AMOTL1: variants seen among roughly 807,000 people sequenced by gnomAD.
The protein encoded by AMOTL1 is angiomotin-like protein 1.
In AMOTL1, 45 loss-of-function variants were observed where a neutral mutation model predicts 102.9. That is an observed-to-expected ratio of 0.44 (90% CI 0.34 to 0.56). The LOEUF (loss-of-function observed/expected upper bound fraction) is 0.56, where lower values mean the gene tolerates loss of function less well. Ranked by LOEUF, AMOTL1 falls within the 20% of genes least tolerant of loss-of-function variation. The pLI is 0.01. For missense variants in AMOTL1, 1,114 were observed against 1,225.6 expected (o/e 0.91, Z 1.36); for synonymous variants, 481 against 484.7 (o/e 0.99, Z 0.10).
intron 9 of AMOTL1, among the ~76,000 whole-genome samples, chr11:94,864,154 A>G (rs1311293816): frequency 6.6e-6 from 1 of 152,172 alleles, no homozygotes; most frequent in Non-Finnish European, 1.5e-5. Context: ...TCTATGCTGT[A>G]TGGATGATAA....
rs562872437 is a variant in AMOTL1, at chr11:94,785,286, G to A, written c.50-9725G>A. On this transcript the variant is annotated intron_variant, in intron 1 of 12. Transcript: ENST00000433060. Reference sequence around the variant, plus strand: ...TACAATTAGTTTGCATTTATTGAGGGGTCTTTGGAGGGCAGAATGGTGTAG... The same window carrying A: ...TACAATTAGTTTGCATTTATTGAGGAGTCTTTGGAGGGCAGAATGGTGTAG... Among the ~76,000 whole-genome samples the A allele has an allele frequency of 6.6e-5, 10 of 152,280 alleles. No individual in the cohort carries two copies. The South Asian group carries it at 1.9e-3, about 28-fold the overall frequency.
intron 1 of AMOTL1, among the ~76,000 whole-genome samples, chr11:94,770,753 T>G (rs572685856): frequency 6.6e-6 from 1 of 152,304 alleles, no homozygotes; most frequent in East Asian, 1.9e-4. Context: ...GATTTTCAGT[T>G]TAAATGAGAT....
chr11:94,831,722 A>T (rs1278829569), intron 6 of AMOTL1, among the ~76,000 whole-genome samples, 181 bp downstream of exon 6: 1 of 152,210 alleles, frequency 6.6e-6, no homozygotes. Context: ...AGCTGAGGTC[A>T]CTGTGTGTTG....
intron 1 of AMOTL1, among the ~76,000 whole-genome samples, chr11:94,779,053 G>A (rs776428334): frequency 6.6e-6 from 1 of 152,136 alleles, no homozygotes; most frequent in South Asian, 2.1e-4. Context: ...TTATAAGCCT[G>A]CCTAAATTCA....
chr11:94,853,953 T>C lies in AMOTL1; in HGVS notation c.1815T>C (p.Tyr605=), dbSNP rs1285958945. The change falls in exon 8 of 13, where the codon TAT becomes TAC. Residue 605 remains tyrosine, a synonymous_variant. Coordinates refer to ENST00000433060, the MANE Select transcript of AMOTL1 (RefSeq NM_130847.3). ...CTCAGTTACGAGAGAAGCAAGCATATGTTGAGAAAGTTGAGAAGCTGCAGC... is the reference window on the plus strand; with the variant it reads ...CTCAGTTACGAGAGAAGCAAGCATACGTTGAGAAAGTTGAGAAGCTGCAGC... ...LEEELREKQA[Y]VEKVEKLQQA... is the part of the protein sequence containing the mutation. The C allele has an allele frequency of 9.3e-6, 15 of 1,609,124 alleles. No individual in the cohort carries two copies. The highest frequency in any genetic ancestry group is 1.2e-5 in the Non-Finnish European group (14 of 1,177,620).
At chr11:94,809,529 A>G (rs1479159676) in intron 3 of AMOTL1, among the ~76,000 whole-genome samples, 2 of 152,246 alleles carry the variant, frequency 1.3e-5, no homozygotes, top group African/African-American at 2.4e-5. Context: ...CTGTAGGGAC[A>G]GGGACTGTGA....
In AMOTL1 at chr11:94,839,322, T is replaced by C. The variant is rs972005126; in HGVS notation, c.1648+7781T>C. 2.6e-5 allele frequency among the ~76,000 whole-genome samples: 4 copies of C among 152,234 alleles called. No individual in the cohort carries two copies. In the South Asian group the frequency reaches 8.3e-4, roughly 31 times the overall value. The stretch of plus-strand genomic sequence containing the variant: ...TGAGCACTTACTGTGAGCCAAGCAC[T>C]CTGCTAGCCCTCACAGGTACATTGT... On this transcript the variant is annotated intron_variant, in intron 6 of 12. Transcript: ENST00000433060.
chr11:94,832,857 C>T (rs1952102094), intron 6 of AMOTL1, among the ~76,000 whole-genome samples: 1 of 152,196 alleles, frequency 6.6e-6, no homozygotes, highest in African/African-American at 2.4e-5. Context: ...GATACTTTGC[C>T]TTCTTGTCAA....
chr11:94,870,600 G>T, intron 12 of AMOTL1, 89 bp from the exon 13 acceptor site: 1 of 896,724 alleles, frequency 1.1e-6, no homozygotes, highest in Non-Finnish European at 1.7e-6. Flanking sequence ...GTGTGCAGTG[G>T]TATCGGACGT....
intron 3 of AMOTL1, among the ~76,000 whole-genome samples, chr11:94,810,085 C>A (rs1951645549): frequency 6.6e-6 from 1 of 152,142 alleles, no homozygotes; most frequent in Non-Finnish European, 1.5e-5. Context: ...AGCTACATAG[C>A]CCTAAATTTG....
Position 94,838,567 on chromosome 11 carries a change from G to C in AMOTL1, c.1648+7026G>C, listed in dbSNP as rs182153608. ...TTTACCAAAACAGGCTGTGGGCTGG[G>C]TTTGGCCTGCAGGTCATACTTTGCT... On this transcript the variant is annotated intron_variant, in intron 6 of 12. Transcript: ENST00000433060. Among the ~76,000 whole-genome samples, 592 of 152,262 alleles carry C rather than the reference G, an allele frequency of 3.9e-3. 2 individuals carry two copies. Among genetic ancestry groups the C allele is most frequent in the Middle Eastern group, 0.031 (9 of 294 alleles).
chr11:94,800,080 C>A lies in AMOTL1; in HGVS notation c.890C>A (p.Ala297Asp), dbSNP rs1383596213. Residue 297 changes from alanine to aspartate, a missense_variant, in exon 3 of 13, where the codon GCC becomes GAC. By Grantham distance (126) the Ala-to-Asp change is moderately radical (BLOSUM62 -2). Coordinates refer to ENST00000433060, the MANE Select transcript of AMOTL1 (RefSeq NM_130847.3). ...AAAGTAGGAGGGGGGCCCTCCCCTG[C>A]CCAGCCTGCAGGTAAAGTGCTGGAC... The part of the protein sequence containing the change: ...GFKVGGGPSP[A>D]QPAGKVLDPR... 1.7e-5 allele frequency: 27 copies of A among 1,613,764 alleles called. No homozygotes were observed. Among genetic ancestry groups the A allele is most frequent in the Non-Finnish European group, 2.3e-5 (27 of 1,179,808 alleles).
intron 1 of AMOTL1, among the ~76,000 whole-genome samples, chr11:94,780,008 T>C (rs1254070586): frequency 6.6e-6 from 1 of 152,236 alleles, no homozygotes. Flanking sequence ...TTTTCCTATG[T>C]TGTCAGTGAA....
At chr11:94,812,495 G>A (rs546241200) in intron 3 of AMOTL1, among the ~76,000 whole-genome samples, 537 of 152,252 alleles carry the variant, frequency 3.5e-3, no homozygotes, top group African/African-American at 0.012. Context: ...TGAAACAGTA[G>A]GGCAGAGGAA....
At chr11:94,818,829 C>G (rs190139621) in intron 3 of AMOTL1, among the ~76,000 whole-genome samples, 1 of 152,132 alleles carries the variant, frequency 6.6e-6, no homozygotes, top group Non-Finnish European at 1.5e-5. Flanking sequence ...AAAAATGAAG[C>G]TGTGCTTTCT....
At chr11:94,833,818 C>T (rs1952121031) in intron 6 of AMOTL1, among the ~76,000 whole-genome samples, 1 of 152,146 alleles carries the variant, frequency 6.6e-6, no homozygotes, top group African/African-American at 2.4e-5. Context: ...AAACAAATGA[C>T]AACTTAGTAG....
intron 1 of AMOTL1, among the ~76,000 whole-genome samples, chr11:94,793,048 T>G (rs1951312147): frequency 6.6e-6 from 1 of 152,152 alleles, no homozygotes; most frequent in Non-Finnish European, 1.5e-5. Context: ...CCCTACACTC[T>G]TCTTTATACA....
chr11:94,708,341 G>C (rs568383963), intron 1 of AMOTL1, among the ~76,000 whole-genome samples: 1 of 152,144 alleles, frequency 6.6e-6, no homozygotes, highest in East Asian at 1.9e-4. Flanking sequence ...GCCAGAATGC[G>C]AGAGGATAGG....
chr11:94,767,422 A>G (rs1412826515), upstream of AMOTL1, among the ~76,000 whole-genome samples: 2 of 152,172 alleles, frequency 1.3e-5, no homozygotes, highest in African/African-American at 4.8e-5. Context: ...AACTGCCACA[A>G]TCCAGGGAGG....
Sources: gnomAD v4.1 joint callset for allele counts (sites outside exome capture counted in the v4.1 genomes callset) on GRCh38, gnomAD v4.1.1 for gene constraint, MANE v1.5 for transcripts, NCBI Gene and HGNC (gene_info 2026-07-23, HGNC 2026-07-21) for gene names.